PCBD2: variants seen among roughly 807,000 people sequenced by gnomAD.
PCBD2 encodes the protein pterin-4 alpha-carbinolamine dehydratase 2.
Under a neutral mutation model 16.4 loss-of-function variants are expected in PCBD2, and 12 were observed. The ratio of observed to expected loss-of-function variants is 0.73; its 90% confidence interval spans 0.47 to 1.19. The LOEUF (loss-of-function observed/expected upper bound fraction) is 1.19, where lower values mean the gene tolerates loss of function less well. Among genes scored for constraint, PCBD2 ranks in the 50% most tolerant of loss-of-function variants. The pLI, the probability that PCBD2 is intolerant of heterozygous loss-of-function variation, is 0.00. For synonymous variants in PCBD2, 58 were observed against 61.8 expected (o/e 0.94, Z 0.29); for missense variants, 138 against 156.8 (o/e 0.88, Z 0.64).
In PCBD2 at chr5:134,921,332, A is replaced by G. The variant is rs569142168; in HGVS notation, c.216+10866A>G. Among the ~76,000 whole-genome samples, 13 of 152,276 alleles carry G rather than the reference A, an allele frequency of 8.5e-5. No homozygotes were observed. The South Asian group carries it at 1.9e-3, about 22-fold the overall frequency. On this transcript the variant is annotated intron_variant, in intron 2 of 3. Transcript: ENST00000254908. The stretch of plus-strand genomic sequence containing the variant: ...TACTAGAATGTGAAGTGCTGTGCTA[A>G]TAAGCCACAGGAGGTGCACTTCAGG...
intron 2 of PCBD2, among the ~76,000 whole-genome samples, chr5:134,912,260 C>G (rs1183702560): frequency 6.6e-6 from 1 of 152,154 alleles, no homozygotes; most frequent in Non-Finnish European, 1.5e-5. Context: ...GAGATTATAT[C>G]CGGGGGTCAG....
intron 2 of PCBD2, among the ~76,000 whole-genome samples, chr5:134,932,830 TGA>T (rs1751115050): frequency 6.6e-6 from 1 of 152,088 alleles, no homozygotes; most frequent in South Asian, 2.1e-4. Context: ...AGCTTGTGGG[TGA>T]GTCTCTTCCA....
At chr5:134,906,327 C>T (rs1161505339) in intron 1 of PCBD2, among the ~76,000 whole-genome samples, 1 of 151,210 alleles carries the variant, frequency 6.6e-6, no homozygotes, top group Non-Finnish European at 1.5e-5. Context: ...CCTCAGCCTC[C>T]CGAGTAGCTG....
chr5:134,922,643 T>G (rs1228410482), intron 2 of PCBD2, among the ~76,000 whole-genome samples: 2 of 151,174 alleles, frequency 1.3e-5, no homozygotes, highest in Non-Finnish European at 2.9e-5. Flanking sequence ...CAAGTTATGC[T>G]AAGTGCCAGG....
intron 2 of PCBD2, among the ~76,000 whole-genome samples, chr5:134,936,353 T>C (rs1424846820): frequency 6.6e-6 from 1 of 152,212 alleles, no homozygotes; most frequent in Non-Finnish European, 1.5e-5. Flanking sequence ...CCTTCACTCC[T>C]TAATAGCTCT....
At chr5:134,922,658 A>G (rs1750918525) in intron 2 of PCBD2, among the ~76,000 whole-genome samples, 1 of 151,870 alleles carries the variant, frequency 6.6e-6, no homozygotes, top group Non-Finnish European at 1.5e-5. Context: ...GCCAGGAAGG[A>G]AAATCTTTTT....
chr5:134,934,569 A>G (rs147767514), intron 2 of PCBD2, among the ~76,000 whole-genome samples: 7 of 152,386 alleles, frequency 4.6e-5, no homozygotes, highest in African/African-American at 2.4e-5. Context: ...ACTGTCTTAC[A>G]TTCTTAATCT....
At chr5:134,941,118 GAAAAA>G (rs764468793) in intron 2 of PCBD2, among the ~76,000 whole-genome samples, 2 of 80,212 alleles carry the variant, frequency 2.5e-5, no homozygotes, top group African/African-American at 4.9e-5. Flanking sequence ...CCATCTCAAG[GAAAAA>G]AAAAAAAAAA....
chr5:134,926,361 G>A (rs935010679), intron 2 of PCBD2: 16 of 377,968 alleles, frequency 4.2e-5, no homozygotes, highest in Non-Finnish European at 7.5e-5. Context: ...TTACTTAATG[G>A]GGATATGAGT....
intron 2 of PCBD2, among the ~76,000 whole-genome samples, chr5:134,934,695 A>G (rs1751138029): frequency 6.6e-6 from 1 of 152,214 alleles, no homozygotes; most frequent in African/African-American, 2.4e-5. Context: ...GTTGTGGACC[A>G]CATCTTCAGC....
At chr5:134,938,202 C>T (rs182755048) in intron 2 of PCBD2, among the ~76,000 whole-genome samples, 2 of 152,304 alleles carry the variant, frequency 1.3e-5, no homozygotes, top group African/African-American at 2.4e-5. Flanking sequence ...GCCATGCCTA[C>T]GATGTCGCTG....
intron 2 of PCBD2, among the ~76,000 whole-genome samples, chr5:134,930,385 C>T (rs73790735): frequency 0.011 from 1,717 of 152,156 alleles, 30 homozygotes; most frequent in African/African-American, 0.04. Flanking sequence ...CTTTTTGTTC[C>T]CTGTAGGATA....
chr5:134,929,320 C>T (rs1025400687), intron 2 of PCBD2, among the ~76,000 whole-genome samples: 10 of 147,948 alleles, frequency 6.8e-5, no homozygotes, highest in Non-Finnish European at 1.3e-4. Flanking sequence ...GCACTGCAAC[C>T]TGGGTAATAG....
intron 2 of PCBD2, among the ~76,000 whole-genome samples, chr5:134,952,895 A>C (rs1283020868): frequency 6.6e-6 from 1 of 151,866 alleles, no homozygotes; most frequent in Non-Finnish European, 1.5e-5. Context: ...ATTCAATGCC[A>C]TGTTATTATT....
intron 2 of PCBD2, among the ~76,000 whole-genome samples, chr5:134,916,005 G>T (rs1750828235): frequency 1.3e-5 from 2 of 151,950 alleles, no homozygotes; most frequent in Non-Finnish European, 2.9e-5. Context: ...AAAAAATTTG[G>T]GGGCCAGGCA....
intron 2 of PCBD2, chr5:134,925,706 T>C (rs574742585): frequency 5.0e-6 from 2 of 396,842 alleles, no homozygotes; most frequent in Non-Finnish European, 8.9e-6. Flanking sequence ...GCTACAACTA[T>C]AGTGCTTGAG....
chr5:134,934,716 C>T (rs1751138417), intron 2 of PCBD2, among the ~76,000 whole-genome samples: 1 of 152,140 alleles, frequency 6.6e-6, no homozygotes, highest in African/African-American at 2.4e-5. Flanking sequence ...TTTTTATATG[C>T]CACAGTGGTC....
intron 2 of PCBD2, among the ~76,000 whole-genome samples, chr5:134,951,705 A>G (rs1751359926): frequency 6.6e-6 from 1 of 152,146 alleles, no homozygotes; most frequent in South Asian, 2.1e-4. Flanking sequence ...AATAGGTTTA[A>G]CTTAGTTTTT....
intron 2 of PCBD2, among the ~76,000 whole-genome samples, chr5:134,914,577 A>G (rs551429130): frequency 6.6e-6 from 1 of 152,202 alleles, no homozygotes; most frequent in Non-Finnish European, 1.5e-5. Context: ...AAAGGGAGGG[A>G]CAGAAACGCT....
Sources: gnomAD v4.1 joint callset for allele counts (sites outside exome capture counted in the v4.1 genomes callset) on GRCh38, gnomAD v4.1.1 for gene constraint, MANE v1.5 for transcripts, NCBI Gene and HGNC (gene_info 2026-07-23, HGNC 2026-07-21) for gene names.